Variants in OR7A17 observed in about 807,000 individuals in gnomAD.
OR7A17 encodes the protein olfactory receptor 7A17.
For synonymous variants in OR7A17, 159 were observed against 142.1 expected, an observed-to-expected ratio of 1.12 and a Z score of -0.85; for missense variants, 366 against 365.5, an observed-to-expected ratio of 1.00 and a Z score of -0.01.
Position 14,881,456 on chromosome 19 carries a change from T to C in OR7A17, c.-101A>G. ...GTTGCCAACGCTGGTCTGAACCTCCTGGACTCATGCGATCCTCCCACTTCA... is the reference window on the plus strand; with the variant it reads ...GTTGCCAACGCTGGTCTGAACCTCCCGGACTCATGCGATCCTCCCACTTCA... On this transcript the variant is annotated 5_prime_UTR_variant, in exon 3 of 3. Transcript: ENST00000641113. 1 of 745,886 alleles carries C rather than the reference T, an allele frequency of 1.3e-6. No homozygotes were observed. The highest frequency in any genetic ancestry group is 1.9e-6 in the Non-Finnish European group (1 of 538,770). 46.2% of individuals were successfully genotyped at this position (745,886 alleles called of 1,614,324 possible).
Position 14,879,276 on chromosome 19 carries a change from TTTGAGA to T in OR7A17, c.*1144_*1149del. 6.6e-6 allele frequency: 1 copy of T among 152,196 alleles called. No individual in the cohort carries two copies. Among genetic ancestry groups the T allele is most frequent in the Non-Finnish European group, 1.5e-5 (1 of 68,078 alleles). The allele number at this position is 152,196 out of a possible 1,614,324, so 9.4% of individuals were successfully genotyped here. A position where few individuals can be genotyped will look rare whatever the true frequency, so the allele number is the denominator to read the frequency against. On this transcript the variant is annotated 3_prime_UTR_variant, in exon 3 of 3. Transcript: ENST00000641113. ...GAATTTGATAGGCAATTTTTTTTTTTTTGAGATGGAGTTTCGCTCTTGTTGCCCAGA... is the reference window on the plus strand; with the variant it reads ...GAATTTGATAGGCAATTTTTTTTTTTTGGAGTTTCGCTCTTGTTGCCCAGA...
Position 14,880,461 on chromosome 19 carries a change from T to C in OR7A17, c.895A>G (p.Arg299Gly). 3.7e-6 allele frequency: 6 copies of C among 1,610,288 alleles called. No individual in the cohort carries two copies. The highest frequency in any genetic ancestry group is 5.1e-6 in the Non-Finnish European group (6 of 1,178,614). Reference sequence around the variant, plus strand: ...CCTCTGAAGGACATTTTCAGAGCCCTCTTTATGTCTTTATTCCTCAGACTG... The same window carrying C: ...CCTCTGAAGGACATTTTCAGAGCCCCCTTTATGTCTTTATTCCTCAGACTG... ...IYSLRNKDIK[R>G]ALKMSFRGKQ The change falls in exon 3 of 3, where the codon AGG becomes GGG. Residue 299 changes from arginine to glycine, a missense_variant. Coordinates refer to ENST00000641113, the MANE Select transcript of OR7A17 (RefSeq NM_030901.2).
At position 14,880,209 on chromosome 19, in the gene OR7A17, CAA is replaced by C. The variant is rs3030635; in HGVS notation, c.*215_*216del. 2,322 of 171,632 alleles carry C rather than the reference CAA, an allele frequency of 0.014. 5 individuals are homozygous for C. The highest frequency in any genetic ancestry group is 0.025 in the Middle Eastern group (11 of 444). 10.6% of individuals were successfully genotyped at this position (171,632 alleles called of 1,614,324 possible). A position where few individuals can be genotyped will look rare whatever the true frequency, so the allele number is the denominator to read the frequency against. On this transcript the variant is annotated 3_prime_UTR_variant, in exon 3 of 3. Coordinates refer to ENST00000641113, the MANE Select transcript of OR7A17 (RefSeq NM_030901.2). ...AAACATTGGGAAAGTAGGAAAATGACAAAAAAAAAAAAAAAAAAAAGATTGGA... is the reference window on the plus strand; with the variant it reads ...AAACATTGGGAAAGTAGGAAAATGACAAAAAAAAAAAAAAAAAAGATTGGA...
intron 1 of OR7A17, among the ~76,000 whole-genome samples, chr19:14,883,169 G>A (rs963252507): frequency 3.3e-5 from 5 of 152,218 alleles, no homozygotes; most frequent in Admixed American, 1.3e-4. Context: ...GCTGGGCACC[G>A]TGGCTCACGC....
intron 1 of OR7A17, among the ~76,000 whole-genome samples, chr19:14,883,460 G>GA (rs1218933626): frequency 6.6e-6 from 1 of 151,308 alleles, no homozygotes; most frequent in East Asian, 1.9e-4. Context: ...AAAAAAAAAA[G>GA]AAAAAAATCC....
rs1390282187 is a variant in OR7A17, at chr19:14,886,122, T to C, written c.-476A>G. On this transcript the variant is annotated 5_prime_UTR_variant, in exon 1 of 3. Transcript: ENST00000641113. ...CCACCATGTCATTTCCAGCCCAAGG[T>C]TGCATATGCTGAGGGACTGCAGCAG... The C allele has an allele frequency of 6.6e-6, 1 of 152,216 alleles. No homozygotes were observed. The highest frequency in any genetic ancestry group is 1.5e-5 in the Non-Finnish European group (1 of 68,062). The allele number at this position is 152,216 out of a possible 1,614,324, so 9.4% of individuals were successfully genotyped here. A position where few individuals can be genotyped will look rare whatever the true frequency, so the allele number is the denominator to read the frequency against.
At position 14,880,975 on chromosome 19, in the gene OR7A17, A is replaced by C. The variant is rs751362473; in HGVS notation, c.381T>G (p.Cys127Trp). 6.2e-7 allele frequency: 1 copy of C among 1,614,162 alleles called. No homozygotes were observed. Among genetic ancestry groups the C allele is most frequent in the Non-Finnish European group, 8.5e-7 (1 of 1,180,014 alleles). The change falls in exon 3 of 3, where the codon TGT (cysteine) becomes TGG (tryptophan). Residue 127 changes from cysteine to tryptophan, a missense_variant. Cys to Trp is a radical substitution (Grantham distance 215). Transcript: ENST00000641113. Reference sequence around the variant, plus strand: ...TGATGACTGTGTAGTGCAGAGGATGACAGATGGCCACAAACCGATCATAGG... The same window carrying C: ...TGATGACTGTGTAGTGCAGAGGATGCCAGATGGCCACAAACCGATCATAGG... ...VMAYDRFVAI[C>W]HPLHYTVIMN...
chr19:14,881,204 G>A lies in OR7A17; in HGVS notation c.152C>T (p.Ser51Leu), dbSNP rs773844731. 39 of 1,613,934 alleles carry A rather than the reference G, an allele frequency of 2.4e-5. No individual in the cohort carries two copies. In the Admixed American group the frequency reaches 6.5e-4, roughly 27 times the overall value. Residue 51 changes from serine (S) to leucine (L), a missense_variant, in exon 3 of 3, where the codon TCA becomes TTA. Physicochemically the swap from Ser to Leu is moderately radical, Grantham distance 145. Coordinates refer to ENST00000641113, the MANE Select transcript of OR7A17 (RefSeq NM_030901.2). ...GNLLIILATI[S>L]DSHLHTPMYF... is the part of the protein sequence containing the mutation. Reference sequence around the variant, plus strand: ...CATGGGGGTGTGGAGGTGGGAGTCTGAGATTGTGGCCAGGATGATGAGCAG... The same window carrying A: ...CATGGGGGTGTGGAGGTGGGAGTCTAAGATTGTGGCCAGGATGATGAGCAG...
chr19:14,882,900 CT>C (rs904019373), intron 1 of OR7A17, among the ~76,000 whole-genome samples: 89 of 152,342 alleles, frequency 5.8e-4, no homozygotes, highest in African/African-American at 2.1e-3. Flanking sequence ...CCTGGTTACA[CT>C]GTTAGAAAGA....
Position 14,881,486 on chromosome 19 carries a change from A to G in OR7A17, c.-131T>C, listed in dbSNP as rs1396154872. 1 of 529,966 alleles carries G rather than the reference A, an allele frequency of 1.9e-6. No homozygotes were observed. Among genetic ancestry groups the G allele is most frequent in the Admixed American group, 4.4e-5 (1 of 22,922 alleles). 32.8% of individuals were successfully genotyped at this position (529,966 alleles called of 1,614,324 possible). On this transcript the variant is annotated 5_prime_UTR_variant, in exon 3 of 3. An upstream open reading frame in the 5' UTR loses its in-frame stop. Transcript: ENST00000641113. ...TCATGCGATCCTCCCACTTCAGCCT[A>G]CAAAAGTGCTGAGATTATAGGCATA...
intron 1 of OR7A17, among the ~76,000 whole-genome samples, chr19:14,882,926 A>G (rs2045119514): frequency 6.6e-6 from 1 of 152,242 alleles, no homozygotes; most frequent in Non-Finnish European, 1.5e-5. Flanking sequence ...AATACCAGGC[A>G]AGTTGTCAAT....
intron 1 of OR7A17, among the ~76,000 whole-genome samples, chr19:14,883,791 G>A (rs903595130): frequency 1.4e-4 from 21 of 152,112 alleles, no homozygotes; most frequent in Non-Finnish European, 3.1e-4. Context: ...TACATAAAAC[G>A]TTAACCAAGC....
intron 1 of OR7A17, among the ~76,000 whole-genome samples, chr19:14,884,361 T>A (rs1356552655): frequency 6.6e-6 from 1 of 151,996 alleles, no homozygotes; most frequent in African/African-American, 2.4e-5. Context: ...GGAGGCTGAG[T>A]AGGGAGGTCA....
chr19:14,884,985 T>A (rs1805536710), intron 1 of OR7A17, among the ~76,000 whole-genome samples: 2 of 152,180 alleles, frequency 1.3e-5, no homozygotes, highest in Admixed American at 1.3e-4. Context: ...TGCAAATCAA[T>A]AAATGTAATC....
At chr19:14,884,960 G>C (rs1401618271) in intron 1 of OR7A17, among the ~76,000 whole-genome samples, 5 of 152,170 alleles carry the variant, frequency 3.3e-5, no homozygotes, top group African/African-American at 4.8e-5. Context: ...TGGGATGCCA[G>C]GCTGGTTCAA....
chr19:14,880,636 G>A lies in OR7A17; in HGVS notation c.720C>T (p.Thr240=), dbSNP rs758846647. Residue 240 remains threonine (T), a synonymous_variant, in exon 3 of 3, where the codon ACC becomes ACT. Transcript: ENST00000641113. Reference sequence around the variant, plus strand: ...AGACAACTGAGAGGTGTGATGCACAGGTGGAAAATGCCTTGTACTTCCCCT... The same window carrying A: ...AGACAACTGAGAGGTGTGATGCACAAGTGGAAAATGCCTTGTACTTCCCCT... The part of the protein sequence containing the change: ...SAQGKYKAFS[T]CASHLSVVSL... 2 of 1,614,164 alleles carry A rather than the reference G, an allele frequency of 1.2e-6. No homozygotes were observed. The highest frequency in any genetic ancestry group is 1.7e-6 in the Non-Finnish European group (2 of 1,180,034).
rs761482600 is a variant in OR7A17 at position 14,881,049 on chromosome 19, A to G, written c.307T>C (p.Phe103Leu). Reference sequence around the variant, plus strand: ...TCTAACCCTCCAAAAAGTACAAAAAAGCACATCTGGGTGATGCAGCCTGCA... The same window carrying G: ...TCTAACCCTCCAAAAAGTACAAAAAGGCACATCTGGGTGATGCAGCCTGCA... ...TYAGCITQMC[F>L]FVLFGGLDSL... Residue 103 changes from phenylalanine to leucine, a missense_variant, in exon 3 of 3, where the codon TTT (phenylalanine) becomes CTT (leucine). Phe to Leu is a conservative substitution (Grantham distance 22). Transcript: ENST00000641113. 11 of 1,614,098 alleles carry G rather than the reference A, an allele frequency of 6.8e-6. No individual in the cohort carries two copies. Among genetic ancestry groups the G allele is most frequent in the East Asian group, 2.2e-5 (1 of 44,902 alleles).
In OR7A17 at chr19:14,881,077, G is replaced by A; in HGVS notation, c.279C>T (p.Thr93=). The A allele has an allele frequency of 6.2e-7, 1 of 1,614,222 alleles. No homozygotes were observed. Among genetic ancestry groups the A allele is most frequent in the African/African-American group, 1.3e-5 (1 of 75,058 alleles). ...ACATCTGGGTGATGCAGCCTGCATA[G>A]GTGATGACTCTGCTCTGTGTCTGGA... ...INIQTQSRVI[T]YAGCITQMCF... The change falls in exon 3 of 3, where the codon ACC becomes ACT. Residue 93 remains threonine, a synonymous_variant. Coordinates refer to ENST00000641113, the MANE Select transcript of OR7A17 (RefSeq NM_030901.2).
At chr19:14,883,699 A>G (rs1369655918) in intron 1 of OR7A17, among the ~76,000 whole-genome samples, 1 of 152,232 alleles carries the variant, frequency 6.6e-6, no homozygotes, top group Non-Finnish European at 1.5e-5. Flanking sequence ...ATGAGACGTG[A>G]TAAAATAAAA....
Sources: gnomAD v4.1 joint callset for allele counts (sites outside exome capture counted in the v4.1 genomes callset) on GRCh38, gnomAD v4.1.1 for gene constraint, MANE v1.5 for transcripts, NCBI Gene and HGNC (gene_info 2026-07-23, HGNC 2026-07-21) for gene names.